MRPL13: variants seen among roughly 807,000 people sequenced by gnomAD.
MRPL13 encodes the protein large ribosomal subunit protein uL13m.
A neutral mutation model predicts 29.0 loss-of-function variants in MRPL13; 33 were observed. The ratio of observed to expected loss-of-function variants is 1.14; its 90% CI spans 0.86 to 1.52. MRPL13 has a LOEUF of 1.52. Ranked by LOEUF, MRPL13 falls within the 40% of genes most tolerant of loss-of-function variation. The probability of loss-of-function intolerance (pLI) is 0.00; values close to 1 mark genes in which losing one functional copy is unlikely to be tolerated. For synonymous variants in MRPL13, 77 were observed against 68.4 expected, an observed-to-expected ratio of 1.13 and a Z score of -0.62; for missense variants, 227 against 216.7, an observed-to-expected ratio of 1.05 and a Z score of -0.30.
At chr8:120,433,721 T>C (rs1284438237) in intron 2 of MRPL13, among the ~76,000 whole-genome samples, 1 of 152,102 alleles carries the variant, frequency 6.6e-6, no homozygotes, top group African/African-American at 2.4e-5. Flanking sequence ...AAACAAAAAC[T>C]AACCAGCAAT....
At chr8:120,433,136 A>G (rs1813015327) in intron 2 of MRPL13, among the ~76,000 whole-genome samples, 1 of 152,088 alleles carries the variant, frequency 6.6e-6, no homozygotes, top group African/African-American at 2.4e-5. Flanking sequence ...GGTATGAATG[A>G]AAGACCTGGG....
At chr8:120,426,171 T>C (rs563632172) in intron 3 of MRPL13, among the ~76,000 whole-genome samples, 2 of 152,164 alleles carry the variant, frequency 1.3e-5, no homozygotes, top group East Asian at 1.9e-4. Flanking sequence ...AATACATATA[T>C]AGATGTAAGG....
At chr8:120,397,140 C>A (rs1289605157) in intron 6 of MRPL13, among the ~76,000 whole-genome samples, 1 of 152,158 alleles carries the variant, frequency 6.6e-6, no homozygotes, top group East Asian at 1.9e-4. Context: ...ACGTTTCTCT[C>A]ACGGATCTTT....
Position 120,443,195 on chromosome 8 carries a change from G to A in MRPL13, c.141C>T (p.Tyr47=). The change falls in exon 2 of 7, where the codon TAC becomes TAT. Residue 47 remains tyrosine, a synonymous_variant. Transcript: ENST00000306185. ...TAAAATAATACTTACTCAGTGCATG[G>A]TACACAGGTTTATGTAATCCCTGAA... ...IRLQGLHKPV[Y]HALSDCGDHV... The A allele has an allele frequency of 3.1e-6, 5 of 1,596,002 alleles. No homozygotes were observed. The highest frequency in any genetic ancestry group is 2.3e-5 in the East Asian group (1 of 44,354).
intron 2 of MRPL13, among the ~76,000 whole-genome samples, chr8:120,440,867 A>G (rs1209002296): frequency 2.6e-5 from 4 of 152,098 alleles, no homozygotes; most frequent in African/African-American, 9.7e-5. Context: ...AGGCAATGGC[A>G]GAAGAAAACA....
At chr8:120,406,554 CAT>C (rs1491116736) in intron 6 of MRPL13, among the ~76,000 whole-genome samples, 3 of 62,674 alleles carry the variant, frequency 4.8e-5, no homozygotes, top group South Asian at 1.6e-3. Context: ...TATATGTGTG[CAT>C]GTGTGTGTGT....
At chr8:120,410,237 G>A (rs938143034) in intron 6 of MRPL13, among the ~76,000 whole-genome samples, 5 of 152,128 alleles carry the variant, frequency 3.3e-5, no homozygotes, top group Non-Finnish European at 5.9e-5. Context: ...TACTTGTGGC[G>A]CAATGCAGGT....
At chr8:120,436,467 G>T (rs1184817780) in intron 2 of MRPL13, among the ~76,000 whole-genome samples, 1 of 152,034 alleles carries the variant, frequency 6.6e-6, no homozygotes. Flanking sequence ...TCTGCCATCT[G>T]TTCATGTATT....
intron 2 of MRPL13, among the ~76,000 whole-genome samples, chr8:120,440,596 C>T (rs1286740025): frequency 1.8e-5 from 2 of 113,294 alleles, no homozygotes; most frequent in Non-Finnish European, 3.3e-5. Flanking sequence ...CAAAGTGAGA[C>T]TCTCTCTCTC....
chr8:120,398,529 G>A (rs1377692094), intron 6 of MRPL13, among the ~76,000 whole-genome samples: 1 of 152,114 alleles, frequency 6.6e-6, no homozygotes, highest in Non-Finnish European at 1.5e-5. Context: ...AGACAGATAA[G>A]CCCACAAAGA....
chr8:120,429,505 AC>A lies in MRPL13; in HGVS notation c.245+2524del, dbSNP rs139052132. Among the ~76,000 whole-genome samples, 104 of 151,974 alleles carry A rather than the reference AC, an allele frequency of 6.8e-4. 1 individual carries two copies. The highest frequency in any genetic ancestry group is 2.4e-3 in the African/African-American group (98 of 41,478). On this transcript the variant is annotated intron_variant, in intron 3 of 6. Coordinates refer to ENST00000306185, the MANE Select transcript of MRPL13 (RefSeq NM_014078.6). ...TGAACTTAAAAGTTAAAAAAAAAAA[AC>A]AAAAAACAAGAATTGAAAAAAAAGA...
At chr8:120,400,629 C>CT (rs1812580500) in intron 6 of MRPL13, among the ~76,000 whole-genome samples, 1 of 150,846 alleles carries the variant, frequency 6.6e-6, no homozygotes, top group African/African-American at 2.4e-5. Context: ...CAGAGTAGAA[C>CT]TGAAGGAGAC....
chr8:120,398,627 G>A (rs1249223744), intron 6 of MRPL13, among the ~76,000 whole-genome samples: 3 of 152,160 alleles, frequency 2.0e-5, no homozygotes, highest in Non-Finnish European at 4.4e-5. Flanking sequence ...TCTCCAGCAA[G>A]GGCACAGAAC....
chr8:120,396,272 A>G (rs1392366586), intron 6 of MRPL13, 147 bp from the exon 7 acceptor site: 13 of 627,680 alleles, frequency 2.1e-5, no homozygotes, highest in African/African-American at 3.7e-5. Flanking sequence ...GGTGAAAAAA[A>G]AACATTAACA....
intron 2 of MRPL13, among the ~76,000 whole-genome samples, chr8:120,432,717 A>C (rs1381634400): frequency 6.6e-6 from 1 of 152,066 alleles, no homozygotes; most frequent in East Asian, 1.9e-4. Flanking sequence ...ATGACTACGT[A>C]AATATATTTG....
intron 5 of MRPL13, among the ~76,000 whole-genome samples, chr8:120,417,821 C>T (rs1003545966): frequency 2.0e-5 from 3 of 152,072 alleles, no homozygotes; most frequent in South Asian, 2.1e-4. Flanking sequence ...TGCTCCAGAT[C>T]GTGAATCAAT....
intron 6 of MRPL13, among the ~76,000 whole-genome samples, chr8:120,407,250 A>G (rs1271898514): frequency 6.6e-6 from 1 of 152,246 alleles, no homozygotes; most frequent in African/African-American, 2.4e-5. Flanking sequence ...AACATTAGGA[A>G]AAAACTTTTC....
intron 6 of MRPL13, among the ~76,000 whole-genome samples, chr8:120,400,228 A>C (rs1215802793): frequency 6.6e-6 from 1 of 151,916 alleles, no homozygotes; most frequent in Non-Finnish European, 1.5e-5. Context: ...TGATCACAGT[A>C]AGGTAAAACA....
At chr8:120,428,413 T>C (rs6999683) in intron 3 of MRPL13, among the ~76,000 whole-genome samples, 144,899 of 152,274 alleles carry the variant, frequency 0.95, 68,957 homozygotes, top group East Asian at 1. Flanking sequence ...CTAGGCAATA[T>C]CATTAAGAAC....
Sources: gnomAD v4.1 joint callset for allele counts (sites outside exome capture counted in the v4.1 genomes callset) on GRCh38, gnomAD v4.1.1 for gene constraint, MANE v1.5 for transcripts, NCBI Gene and HGNC (gene_info 2026-07-23, HGNC 2026-07-21) for gene names.